Variants in NTAQ1 observed in about 807,000 individuals in gnomAD.
NTAQ1 encodes the protein N-terminal glutamine amidase 1.
A neutral mutation model predicts 28.2 loss-of-function variants in NTAQ1; 21 were observed. That is an observed-to-expected ratio of 0.74 (90% confidence interval 0.53 to 1.07). The LOEUF (loss-of-function observed/expected upper bound fraction) is 1.07, where lower values mean the gene tolerates loss of function less well. Among genes scored for constraint, NTAQ1 ranks in the 50% least tolerant of loss-of-function variants. NTAQ1 has a pLI of 0.00. For missense variants in NTAQ1, 264 were observed against 256.6 expected, an observed-to-expected ratio of 1.03 and a Z score of -0.20; for synonymous variants, 105 against 90.0, an observed-to-expected ratio of 1.17 and a Z score of -0.94.
At chr8:123,420,994 C>G (rs186251285) in intron 1 of NTAQ1, among the ~76,000 whole-genome samples, 367 of 151,816 alleles carry the variant, frequency 2.4e-3, no homozygotes, top group Non-Finnish European at 4.2e-3. Context: ...ACCATGTTGG[C>G]CAAGATTATC....
Position 123,416,836 on chromosome 8 carries a change from C to G in NTAQ1, c.-14C>G, listed in dbSNP as rs1813321094. The G allele has an allele frequency of 2.6e-6, 4 of 1,526,174 alleles. No individual in the cohort carries two copies. Among genetic ancestry groups the G allele is most frequent in the Non-Finnish European group, 3.5e-6 (4 of 1,137,634 alleles). 94.5% of individuals were successfully genotyped at this position (1,526,174 alleles called of 1,614,324 possible). On this transcript the variant is annotated 5_prime_UTR_variant, in exon 1 of 6. Coordinates refer to ENST00000287387, the MANE Select transcript of NTAQ1 (RefSeq NM_018024.3). Reference sequence around the variant, plus strand: ...GTCTTCCTCCGGCCCGGGCCCTGGCCCAGCTAGCCGGCCATGGAAGGTAAT... The same window carrying G: ...GTCTTCCTCCGGCCCGGGCCCTGGCGCAGCTAGCCGGCCATGGAAGGTAAT...
intron 1 of NTAQ1, among the ~76,000 whole-genome samples, chr8:123,421,975 C>G (rs1401204845): frequency 6.6e-6 from 1 of 152,036 alleles, no homozygotes; most frequent in Non-Finnish European, 1.5e-5. Flanking sequence ...CCACCGCGCC[C>G]AGCCTAAGTT....
intron 6 of NTAQ1, among the ~76,000 whole-genome samples, chr8:123,454,357 TTTTTGTTTTG>T (rs143782536): frequency 4.6e-5 from 7 of 151,026 alleles, no homozygotes; most frequent in Middle Eastern, 6.8e-3. Context: ...GCAATTTTGT[TTTTTGTTTTG>T]TTTTGTTTTG....
chr8:123,465,900 T>C (rs1165698162), intron 6 of NTAQ1, among the ~76,000 whole-genome samples: 2 of 152,088 alleles, frequency 1.3e-5, no homozygotes, highest in African/African-American at 4.8e-5. Flanking sequence ...CATCTTTGAG[T>C]TCCATCCATA....
intron 3 of NTAQ1, among the ~76,000 whole-genome samples, chr8:123,436,049 A>G (rs1814688791): frequency 7.0e-6 from 1 of 142,968 alleles, no homozygotes; most frequent in Non-Finnish European, 1.5e-5. Flanking sequence ...CGCGCTTGTA[A>G]TCCCAGCTAC....
At chr8:123,434,985 T>C (rs1450935918) in intron 3 of NTAQ1, among the ~76,000 whole-genome samples, 4 of 152,324 alleles carry the variant, frequency 2.6e-5, no homozygotes, top group Non-Finnish European at 4.4e-5. Context: ...GCATCCCTAG[T>C]CTTAAGTATT....
rs149344407 is a variant in NTAQ1, at chr8:123,420,725, T to C, written c.83+3793T>C. The stretch of plus-strand genomic sequence containing the variant: ...CTCTCACCTCAGCTTCCTAAGTAGC[T>C]GGGAGTACAGGTGGGCATCACCACT... On this transcript the variant is annotated intron_variant, in intron 1 of 5. Coordinates refer to ENST00000287387, the MANE Select transcript of NTAQ1 (RefSeq NM_018024.3). Among the ~76,000 whole-genome samples the C allele has an allele frequency of 3.0e-3, 453 of 151,850 alleles. 4 individuals carry two copies. The highest frequency in any genetic ancestry group is 0.01 in the African/African-American group (426 of 41,450).
chr8:123,458,104 T>A (rs1815706747), intron 6 of NTAQ1, among the ~76,000 whole-genome samples: 1 of 147,910 alleles, frequency 6.8e-6, no homozygotes, highest in African/African-American at 2.5e-5. Flanking sequence ...TCACTGTTTT[T>A]TTTTTTTTTT....
intron 6 of NTAQ1, among the ~76,000 whole-genome samples, chr8:123,462,030 C>T (rs1815836934): frequency 6.6e-6 from 1 of 151,884 alleles, no homozygotes; most frequent in Non-Finnish European, 1.5e-5. Flanking sequence ...TGCATGTATC[C>T]CTAAAAGGGA....
intron 6 of NTAQ1, among the ~76,000 whole-genome samples, chr8:123,463,297 A>G (rs1030664031): frequency 3.3e-5 from 5 of 152,190 alleles, no homozygotes; most frequent in East Asian, 3.8e-4. Context: ...TCTGTATTCA[A>G]ACTTCTCCAG....
intron 5 of NTAQ1, among the ~76,000 whole-genome samples, chr8:123,438,761 G>A (rs762572097): frequency 6.6e-6 from 1 of 152,044 alleles, no homozygotes; most frequent in Non-Finnish European, 1.5e-5. Flanking sequence ...AACACTAAGA[G>A]AGGGTTCAAA....
At chr8:123,427,418 A>G (rs1478073185) in intron 1 of NTAQ1, among the ~76,000 whole-genome samples, 1 of 151,656 alleles carries the variant, frequency 6.6e-6, no homozygotes, top group African/African-American at 2.4e-5. Context: ...ATGCCTGGCT[A>G]ATTTTAGTAT....
At chr8:123,459,892 C>G (rs1239956892) in intron 6 of NTAQ1, among the ~76,000 whole-genome samples, 1 of 150,796 alleles carries the variant, frequency 6.6e-6, no homozygotes, top group Non-Finnish European at 1.5e-5. Context: ...ACCTCCGCCT[C>G]CTGGTTCAAG....
chr8:123,454,356 T>G (rs1815586466), intron 6 of NTAQ1, among the ~76,000 whole-genome samples: 1 of 143,286 alleles, frequency 7.0e-6, no homozygotes, highest in Non-Finnish European at 1.5e-5. Flanking sequence ...TGCAATTTTG[T>G]TTTTTGTTTT....
intron 2 of NTAQ1, among the ~76,000 whole-genome samples, chr8:123,428,447 C>T (rs193232010): frequency 9.9e-5 from 15 of 152,284 alleles, no homozygotes; most frequent in African/African-American, 3.1e-4. Flanking sequence ...ATCCTCCCAC[C>T]TCAGCCCCCC....
At chr8:123,427,527 C>T (rs1382256801) in intron 1 of NTAQ1, among the ~76,000 whole-genome samples, 2 of 152,162 alleles carry the variant, frequency 1.3e-5, no homozygotes, top group Admixed American at 1.3e-4. Flanking sequence ...CTCGGCCTCC[C>T]AAAGTGCTGG....
chr8:123,442,596 GA>G (rs80278009), downstream of NTAQ1, among the ~76,000 whole-genome samples: 40 of 124,936 alleles, frequency 3.2e-4, no homozygotes, highest in East Asian at 9.2e-4. Context: ...CTCCATCTCA[GA>G]AAAAAAAAAA....
intron 1 of NTAQ1, among the ~76,000 whole-genome samples, chr8:123,421,190 C>T (rs1410043185): frequency 3.3e-5 from 5 of 151,686 alleles, no homozygotes; most frequent in African/African-American, 4.8e-5. Context: ...AATCAATTCT[C>T]CCACTTCAGT....
downstream of NTAQ1, among the ~76,000 whole-genome samples, chr8:123,471,977 G>T (rs904039213): frequency 2.6e-5 from 4 of 152,150 alleles, no homozygotes; most frequent in Non-Finnish European, 5.9e-5. Flanking sequence ...TAATAATCAT[G>T]CCTAGAGAAC....
Sources: gnomAD v4.1 joint callset for allele counts (sites outside exome capture counted in the v4.1 genomes callset) on GRCh38, gnomAD v4.1.1 for gene constraint, MANE v1.5 for transcripts, NCBI Gene and HGNC (gene_info 2026-07-23, HGNC 2026-07-21) for gene names.